The following CACNA2D4 variants were observed in gnomAD, a reference collection of about 807,000 sequenced individuals.
CACNA2D4 encodes the protein calcium voltage-gated channel auxiliary subunit alpha2delta 4.
Under a neutral mutation model 163.8 loss-of-function variants are expected in CACNA2D4, and 157 were observed. That is an observed-to-expected ratio of 0.96 (90% CI 0.84 to 1.09). The LOEUF (loss-of-function observed/expected upper bound fraction) is 1.09. Ranked by LOEUF, CACNA2D4 falls within the 50% of genes least tolerant of loss-of-function variation. The pLI is 0.00. For missense variants in CACNA2D4, 1,410 were observed against 1,479.9 expected (o/e 0.95, Z 0.78); for synonymous variants, 598 against 586.9 (o/e 1.02, Z -0.27).
intron 6 of CACNA2D4, among the ~76,000 whole-genome samples, chr12:1,900,901 A>C (rs1215869657): frequency 6.6e-6 from 1 of 152,194 alleles, no homozygotes; most frequent in Non-Finnish European, 1.5e-5. Context: ...CAGAATACAA[A>C]TTATTTTTAG....
chr12:1,855,901 T>A, intron 22 of CACNA2D4, 111 bp downstream of exon 22: 1 of 747,998 alleles, frequency 1.3e-6, no homozygotes, highest in Non-Finnish European at 2.3e-6. Context: ...CATGTGCTAA[T>A]GGGATAGGGC....
At chr12:1,831,712 C>A (rs940244249) in intron 26 of CACNA2D4, among the ~76,000 whole-genome samples, 2 of 152,154 alleles carry the variant, frequency 1.3e-5, no homozygotes, top group African/African-American at 4.8e-5. Flanking sequence ...ATCACCCTTC[C>A]TGCCAATGGG....
At chr12:1,900,488 T>A (rs767547683) in intron 6 of CACNA2D4, among the ~76,000 whole-genome samples, 27 of 152,338 alleles carry the variant, frequency 1.8e-4, no homozygotes, top group Non-Finnish European at 2.9e-4. Flanking sequence ...ATCAGTGGGA[T>A]CTCTTATTCA....
At chr12:1,864,982 G>C (rs1244497589) in intron 18 of CACNA2D4, among the ~76,000 whole-genome samples, 7 of 152,142 alleles carry the variant, frequency 4.6e-5, no homozygotes, top group African/African-American at 1.7e-4. Flanking sequence ...CGCCGCTCCC[G>C]GGTCTCCAGG....
intron 26 of CACNA2D4, chr12:1,835,080 T>G: frequency 4.4e-6 from 1 of 228,370 alleles, no homozygotes; most frequent in Non-Finnish European, 8.6e-6. Flanking sequence ...CTGGTGACTC[T>G]TCCTACCTTG....
intron 20 of CACNA2D4, among the ~76,000 whole-genome samples, chr12:1,856,805 A>G (rs1865409790): frequency 6.6e-6 from 1 of 152,330 alleles, no homozygotes; most frequent in South Asian, 2.1e-4. Flanking sequence ...CTGATGCTCC[A>G]TGGCACCTAC....
intron 23 of CACNA2D4, among the ~76,000 whole-genome samples, chr12:1,853,250 G>A (rs555136922): frequency 1.6e-4 from 25 of 152,164 alleles, no homozygotes; most frequent in African/African-American, 5.1e-4. Flanking sequence ...AAAAGGTAGC[G>A]TACTATACTA....
Position 1,834,720 on chromosome 12 carries a change from G to T in CACNA2D4, c.2551+6019C>A. 6.3e-7 allele frequency: 1 copy of T among 1,585,632 alleles called. No homozygotes were observed. ...CAGAAGCAGATCTCTTCTGTGGCCT[G>T]AGCGCCCATCCCCACCCGGCCAGGT... is the stretch of plus-strand genomic sequence containing the variant. On this transcript the variant is annotated intron_variant, in intron 26 of 37. Coordinates refer to ENST00000382722, the MANE Select transcript of CACNA2D4 (RefSeq NM_172364.5). The surrounding 1 kb of genome is among the most constrained non-coding windows in gnomAD (Gnocchi z 7.6).
chr12:1,802,119 G>A lies in CACNA2D4; in HGVS notation c.2722-475C>T, dbSNP rs1033148371. ...AGGTCAGAAGCAGCGCCTGTCTCAT[G>A]CACGCTGGTGTCCTCATCTTCCCAG... On this transcript the variant is annotated intron_variant, in intron 29 of 37. Transcript: ENST00000382722. The surrounding 1 kb of genome is among the most constrained non-coding windows in gnomAD (Gnocchi z 4.7). Among the ~76,000 whole-genome samples, 18 of 151,246 alleles carry A rather than the reference G, an allele frequency of 1.2e-4. No homozygotes were observed. Among genetic ancestry groups the A allele is most frequent in the Non-Finnish European group, 2.4e-4 (16 of 67,876 alleles).
rs61495723 is a variant in CACNA2D4, at chr12:1,869,729, AATCCTAC to A, written c.1878+4868_1878+4874del. 6.7e-3 allele frequency among the ~76,000 whole-genome samples: 1,020 copies of A among 152,258 alleles called. 15 individuals carry two copies. Among genetic ancestry groups the A allele is most frequent in the African/African-American group, 0.023 (968 of 41,558 alleles). On this transcript the variant is annotated intron_variant, in intron 18 of 37. Transcript: ENST00000382722. The surrounding 1 kb of genome is among the most constrained non-coding windows in gnomAD (Gnocchi z 4.7). ...TCATAAGGTCTAATCCCTACGATAAAATCCTACATTCTATCACTCCCAGGGGCTCTGT... is the reference window on the plus strand; with the variant it reads ...TCATAAGGTCTAATCCCTACGATAAAATTCTATCACTCCCAGGGGCTCTGT...
At chr12:1,862,478 A>G (rs530860200) in intron 18 of CACNA2D4, among the ~76,000 whole-genome samples, 19 of 152,288 alleles carry the variant, frequency 1.2e-4, no homozygotes, top group Middle Eastern at 3.4e-3. Flanking sequence ...CTCTGTCGCC[A>G]GGCTGTCTCA....
intron 26 of CACNA2D4, chr12:1,831,395 G>C (rs201176570): frequency 1.2e-6 from 2 of 1,614,032 alleles, no homozygotes. Flanking sequence ...CCAACCGTCT[G>C]CAGAATCTGG....
chr12:1,908,118 G>A, intron 4 of CACNA2D4, 81 bp from the exon 5 acceptor site: 1 of 1,390,226 alleles, frequency 7.2e-7, no homozygotes, highest in African/African-American at 1.4e-5. Context: ...CGGCGCAGGT[G>A]AGAGGACGAG....
chr12:1,800,496 C>T, intron 31 of CACNA2D4, 58 bp from the exon 32 acceptor site: 1 of 1,545,100 alleles, frequency 6.5e-7, no homozygotes, highest in Non-Finnish European at 8.9e-7. Context: ...GGGTGCCCCC[C>T]CCCCACCACC....
intron 29 of CACNA2D4, among the ~76,000 whole-genome samples, chr12:1,805,144 T>C (rs1021247438): frequency 2.0e-5 from 3 of 152,122 alleles, no homozygotes; most frequent in Non-Finnish European, 4.4e-5. Context: ...GCCCGTGGGC[T>C]GCCTGAACTC....
At chr12:1,912,256 C>T (rs2154452573) in intron 3 of CACNA2D4, among the ~76,000 whole-genome samples, 1 of 152,326 alleles carries the variant, frequency 6.6e-6, no homozygotes, top group African/African-American at 2.4e-5. Flanking sequence ...TCAGGGAGAG[C>T]ACTGGTCTTG....
At chr12:1,800,499 CCA>C in intron 31 of CACNA2D4, 61 bp from the exon 32 acceptor site, 4 of 1,513,684 alleles carry the variant, frequency 2.6e-6, no homozygotes, top group Non-Finnish European at 3.6e-6. Context: ...TGCCCCCCCC[CCA>C]CCACCAGCAC....
chr12:1,848,414 G>A (rs1470232383), intron 23 of CACNA2D4, among the ~76,000 whole-genome samples: 2 of 152,166 alleles, frequency 1.3e-5, no homozygotes, highest in Non-Finnish European at 2.9e-5. Flanking sequence ...GAGACCTCAG[G>A]GCCTGACCGG....
At position 1,878,727 on chromosome 12, in the gene CACNA2D4, G is replaced by T. The variant is rs141540458; in HGVS notation, c.1644+229C>A. 6.4e-4 allele frequency among the ~76,000 whole-genome samples: 98 copies of T among 152,316 alleles called. 1 individual carries two copies. In the East Asian group the frequency reaches 8.3e-3, roughly 13 times the overall value. ...ACTGAGAAACTGAGACACTGGGCAGGGAAAGGACTTACTGAAGGCCACAGA... is the reference window on the plus strand; with the variant it reads ...ACTGAGAAACTGAGACACTGGGCAGTGAAAGGACTTACTGAAGGCCACAGA... On this transcript the variant is annotated intron_variant, in intron 15 of 37. Coordinates refer to ENST00000382722, the MANE Select transcript of CACNA2D4 (RefSeq NM_172364.5). The surrounding 1 kb of genome is among the most constrained non-coding windows in gnomAD (Gnocchi z 4.6).
Sources: allele counts gnomAD v4.1 joint callset (sites outside exome capture counted in the v4.1 genomes callset), GRCh38; gene constraint gnomAD v4.1.1; non-coding constraint Gnocchi (gnomAD v3.1); transcripts MANE v1.5; gene names NCBI Gene and HGNC (gene_info 2026-07-23, HGNC 2026-07-21).